KIAA0319: variants seen among roughly 807,000 people sequenced by gnomAD.
The protein encoded by KIAA0319 is dyslexia-associated protein KIAA0319.
KIAA0319 carries 83 observed loss-of-function variants against 108.4 expected under a neutral mutation model. The ratio of observed to expected loss-of-function variants is 0.77; its 90% CI spans 0.64 to 0.92. The LOEUF is 0.92. Among genes scored for constraint, KIAA0319 ranks in the 40% least tolerant of loss-of-function variants. The pLI, the probability that KIAA0319 is intolerant of heterozygous loss-of-function variation, is 0.00. For synonymous variants in KIAA0319, 484 were observed against 510.4 expected, an observed-to-expected ratio of 0.95 and a Z score of 0.70; for missense variants, 1,195 against 1,322.4, an observed-to-expected ratio of 0.90 and a Z score of 1.49.
At position 24,599,731 on chromosome 6, in the gene KIAA0319, A is replaced by G; in HGVS notation, c.55+1318T>C. The G allele has an allele frequency of 1.8e-6, 1 of 564,026 alleles. No homozygotes were observed. Among genetic ancestry groups the G allele is most frequent in the Non-Finnish European group, 3.3e-6 (1 of 307,396 alleles). The allele number at this position is 564,026 out of a possible 1,614,324, so 34.9% of individuals were successfully genotyped here. On this transcript the variant is annotated intron_variant, in intron 2 of 20. Coordinates refer to ENST00000378214, the MANE Select transcript of KIAA0319 (RefSeq NM_014809.4). The surrounding 1 kb of genome is among the most constrained non-coding windows in gnomAD (Gnocchi z 4.1). Reference sequence around the variant, plus strand: ...TCCTTCAGGGCCATGGTTGTGAAGAAGATCGAGATTTGTGATAGGAAACTG... The same window carrying G: ...TCCTTCAGGGCCATGGTTGTGAAGAGGATCGAGATTTGTGATAGGAAACTG...
chr6:24,562,239 A>G (rs1763205896), intron 16 of KIAA0319, among the ~76,000 whole-genome samples: 1 of 152,182 alleles, frequency 6.6e-6, no homozygotes, highest in African/African-American at 2.4e-5. Context: ...CTAAGGATTT[A>G]TCAATTTTGC....
intron 1 of KIAA0319, among the ~76,000 whole-genome samples, chr6:24,620,462 G>T (rs982536873): frequency 6.6e-6 from 1 of 152,084 alleles, no homozygotes; most frequent in Non-Finnish European, 1.5e-5. Context: ...CACCACGTCC[G>T]GCTAATTTTT....
rs1561941312 is a variant in KIAA0319, at chr6:24,564,256, T to C, written c.2377A>G (p.Thr793Ala). ...EGVYTFHLRV[T>A]DSQGASDTDT... Reference sequence around the variant, plus strand: ...GTGTCCGAGGCCCCCTGACTGTCGGTGACTCGCAAGTGGAAAGTGTACACC... The same window carrying C: ...GTGTCCGAGGCCCCCTGACTGTCGGCGACTCGCAAGTGGAAAGTGTACACC... Residue 793 changes from threonine (T) to alanine (A), a missense_variant, in exon 15 of 21, where the codon ACC (threonine) becomes GCC (alanine). Coordinates refer to ENST00000378214, the MANE Select transcript of KIAA0319 (RefSeq NM_014809.4). The C allele has an allele frequency of 6.2e-7, 1 of 1,614,090 alleles. No homozygotes were observed. Among genetic ancestry groups the C allele is most frequent in the Non-Finnish European group, 8.5e-7 (1 of 1,180,006 alleles).
intron 1 of KIAA0319, among the ~76,000 whole-genome samples, chr6:24,635,660 C>G (rs1776110556): frequency 1.3e-5 from 2 of 152,076 alleles, no homozygotes; most frequent in Admixed American, 1.3e-4. Flanking sequence ...TGAGAGTAAC[C>G]CTCAGTGGAT....
intron 1 of KIAA0319, among the ~76,000 whole-genome samples, chr6:24,613,897 C>T (rs1241572579): frequency 6.6e-6 from 1 of 152,184 alleles, no homozygotes; most frequent in South Asian, 2.1e-4. Context: ...CTGTATGTGA[C>T]AGCCAGGATT....
Position 24,624,065 on chromosome 6 carries a change from C to T in KIAA0319, c.-106+21671G>A, listed in dbSNP as rs181742201. ...TTTTAGACAAGGTCTCACTCTATCA[C>T]GCAGGCTGGAGTGCAGTGGTGCAAT... On this transcript the variant is annotated intron_variant, in intron 1 of 20. Coordinates refer to ENST00000378214, the MANE Select transcript of KIAA0319 (RefSeq NM_014809.4). 3.7e-4 allele frequency among the ~76,000 whole-genome samples: 45 copies of T among 122,080 alleles called. No homozygotes were observed. The East Asian group carries it at 0.011, about 29-fold the overall frequency. The allele number at this position is 122,080 out of a possible 152,430, so 80.1% of individuals were successfully genotyped here.
rs76869963 is a variant in KIAA0319 at position 24,559,803 on chromosome 6, C to A, written c.2592-648G>T. Among the ~76,000 whole-genome samples, 428 of 152,240 alleles carry A rather than the reference C, an allele frequency of 2.8e-3. 3 individuals carry two copies. The highest frequency in any genetic ancestry group is 9.8e-3 in the African/African-American group (409 of 41,532). ...TATTCACAAAGTTGCACAACCATCA[C>A]CACTATCAAATTTCAAAACATCTTC... On this transcript the variant is annotated intron_variant, in intron 16 of 20. Coordinates refer to ENST00000378214, the MANE Select transcript of KIAA0319 (RefSeq NM_014809.4).
chr6:24,576,135 T>A (rs1213467913), intron 10 of KIAA0319, among the ~76,000 whole-genome samples: 1 of 152,232 alleles, frequency 6.6e-6, no homozygotes, highest in Non-Finnish European at 1.5e-5. Flanking sequence ...AAGATCTAAT[T>A]TTCAGCACAG....
intron 18 of KIAA0319, 75 bp from the exon 19 acceptor site, chr6:24,554,706 C>A: frequency 9.3e-7 from 1 of 1,074,088 alleles, no homozygotes; most frequent in South Asian, 1.3e-5. Flanking sequence ...TGATTCATAA[C>A]AACTATTTCT....
At chr6:24,640,419 T>G (rs1776769430) in intron 1 of KIAA0319, among the ~76,000 whole-genome samples, 1 of 152,290 alleles carries the variant, frequency 6.6e-6, no homozygotes, top group African/African-American at 2.4e-5. Flanking sequence ...AGGCATGGAC[T>G]CTTGGAAGAG....
intron 3 of KIAA0319, among the ~76,000 whole-genome samples, chr6:24,595,546 CAAAAAAAAA>C (rs60291863): frequency 6.2e-4 from 27 of 43,262 alleles, no homozygotes; most frequent in African/African-American, 2.3e-3. Context: ...GATTCAATCT[CAAAAAAAAA>C]AAAAAAAAAA....
intron 3 of KIAA0319, among the ~76,000 whole-genome samples, chr6:24,589,220 G>A (rs981735977): frequency 2.0e-5 from 3 of 152,058 alleles, no homozygotes; most frequent in Non-Finnish European, 2.9e-5. Flanking sequence ...AATGGGATTC[G>A]TGCCCTTATA....
In KIAA0319 at chr6:24,556,589, C is replaced by A; in HGVS notation, c.2857+18G>T. 6.2e-7 allele frequency: 1 copy of A among 1,611,920 alleles called. No homozygotes were observed. Among genetic ancestry groups the A allele is most frequent in the South Asian group, 1.1e-5 (1 of 90,552 alleles). On this transcript the variant is annotated intron_variant, in intron 18 of 20. Coordinates refer to ENST00000378214, the MANE Select transcript of KIAA0319 (RefSeq NM_014809.4). ...CTTAAGGCTCCTCACCCAAAGCCTC[C>A]TCTATACCAGAACTCACCACAGTTG...
intron 4 of KIAA0319, among the ~76,000 whole-genome samples, chr6:24,585,382 A>G (rs1767313304): frequency 6.6e-6 from 1 of 151,956 alleles, no homozygotes; most frequent in South Asian, 2.1e-4. Context: ...TGCCCACAAG[A>G]AACTCCTTGT....
chr6:24,604,316 G>A (rs1407922552), intron 1 of KIAA0319, among the ~76,000 whole-genome samples: 1 of 152,164 alleles, frequency 6.6e-6, no homozygotes, highest in Non-Finnish European at 1.5e-5. Context: ...AAGGGCAAGA[G>A]AAGAGCAACT....
At chr6:24,628,038 G>A (rs931501473) in intron 1 of KIAA0319, among the ~76,000 whole-genome samples, 1 of 152,172 alleles carries the variant, frequency 6.6e-6, no homozygotes, top group African/African-American at 2.4e-5. Flanking sequence ...ATTCATCATT[G>A]CTTCCAGGTT....
chr6:24,554,052 G>C (rs764415030), intron 19 of KIAA0319, among the ~76,000 whole-genome samples: 1 of 152,248 alleles, frequency 6.6e-6, no homozygotes, highest in African/African-American at 2.4e-5. Context: ...CCTGGGGTAT[G>C]CAACTGGCAT....
intron 1 of KIAA0319, among the ~76,000 whole-genome samples, chr6:24,609,572 G>A (rs9379670): frequency 0.07 from 10,645 of 152,108 alleles, 1,051 homozygotes; most frequent in East Asian, 0.44. Context: ...GCGAGATTCT[G>A]TCTCAAAACC....
chr6:24,574,998 C>A (rs758481591), intron 10 of KIAA0319, among the ~76,000 whole-genome samples: 1 of 152,188 alleles, frequency 6.6e-6, no homozygotes, highest in Non-Finnish European at 1.5e-5. Flanking sequence ...GCCCTCAAGG[C>A]GGCCACATGT....
Sources: gnomAD v4.1 joint callset for allele counts (sites outside exome capture counted in the v4.1 genomes callset) on GRCh38, gnomAD v4.1.1 for gene constraint, Gnocchi (gnomAD v3.1) non-coding constraint, MANE v1.5 for transcripts, NCBI Gene and HGNC (gene_info 2026-07-23, HGNC 2026-07-21) for gene names.